Variants in VWA8 observed in about 807,000 individuals in gnomAD.
VWA8 encodes von Willebrand factor A domain-containing protein 8.
In VWA8, 221 loss-of-function variants were observed where a neutral mutation model predicts 241.5. The observed-to-expected ratio is 0.91, with a 90% CI of 0.82 to 1.02. VWA8 has a LOEUF of 1.02. Among genes scored for constraint, VWA8 ranks in the 50% least tolerant of loss-of-function variants. The probability of loss-of-function intolerance (pLI) is 0.00; values close to 1 mark genes in which losing one functional copy is unlikely to be tolerated. For synonymous variants in VWA8, 852 were observed against 827.1 expected, an observed-to-expected ratio of 1.03 and a Z score of -0.52; for missense variants, 2,322 against 2,328.7, an observed-to-expected ratio of 1.00 and a Z score of 0.06.
intron 35 of VWA8, among the ~76,000 whole-genome samples, chr13:41,684,317 C>G (rs564689479): frequency 6.6e-6 from 1 of 151,670 alleles, no homozygotes; most frequent in South Asian, 2.1e-4. Flanking sequence ...CATATAGACA[C>G]AAGATAATAT....
At chr13:41,835,359 A>C (rs1473157395) in intron 12 of VWA8, among the ~76,000 whole-genome samples, 1 of 152,302 alleles carries the variant, frequency 6.6e-6, no homozygotes, top group African/African-American at 2.4e-5. Flanking sequence ...ACTTCCCATA[A>C]ACTTAAAAGG....
At chr13:41,863,852 T>C (rs1873160061) in intron 12 of VWA8, among the ~76,000 whole-genome samples, 1 of 152,218 alleles carries the variant, frequency 6.6e-6, no homozygotes, top group Admixed American at 6.5e-5. Context: ...TCAGATACTA[T>C]GTTTAACTGC....
intron 19 of VWA8, 128 bp from the exon 20 acceptor site, chr13:41,778,184 T>G (rs1015418567): frequency 1.9e-6 from 1 of 519,026 alleles, no homozygotes; most frequent in African/African-American, 2.0e-5. Context: ...CGATTTGATA[T>G]AACCCAAAAT....
chr13:41,726,778 T>G (rs1287439935), intron 24 of VWA8, among the ~76,000 whole-genome samples: 2 of 152,078 alleles, frequency 1.3e-5, no homozygotes, highest in East Asian at 3.9e-4. Context: ...GTGGATCACA[T>G]GAGGTCAGGA....
At chr13:41,663,544 A>G (rs2044966365) in intron 37 of VWA8, among the ~76,000 whole-genome samples, 2 of 152,014 alleles carry the variant, frequency 1.3e-5, no homozygotes, top group Admixed American at 6.5e-5. Flanking sequence ...ATCTTTTACT[A>G]TTTACCTCCA....
intron 16 of VWA8, among the ~76,000 whole-genome samples, chr13:41,815,336 C>T (rs1870644544): frequency 1.3e-5 from 2 of 152,236 alleles, no homozygotes; most frequent in South Asian, 2.1e-4. Flanking sequence ...AATCCACATC[C>T]TAATCTCTGG....
intron 35 of VWA8, among the ~76,000 whole-genome samples, chr13:41,679,306 C>T (rs953584792): frequency 6.6e-6 from 1 of 152,124 alleles, no homozygotes; most frequent in African/African-American, 2.4e-5. Context: ...GGCAAAACAA[C>T]CAAGACAATT....
rs759153232 is a variant in VWA8, at chr13:41,570,645, T to A, written c.5432A>T (p.His1811Leu). The A allele has an allele frequency of 6.2e-7, 1 of 1,614,158 alleles. No individual in the cohort carries two copies. The highest frequency in any genetic ancestry group is 8.5e-7 in the Non-Finnish European group (1 of 1,180,066). The change falls in exon 44 of 45, where the codon CAT becomes CTT. Residue 1811 changes from histidine (H) to leucine (L), a missense_variant. By Grantham distance (99) the His-to-Leu change is moderately conservative (BLOSUM62 -3). Transcript: ENST00000379310. ...TTCTTTGACAATTTCCTTGATGGCA[T>A]GTTCTGTCCCTTCTAACGTGTGGTC... The part of the protein sequence containing the change: ...SGDHTLEGTE[H>L]AIKEIVKEEA...
At chr13:41,637,290 A>G (rs2139678705) in intron 37 of VWA8, among the ~76,000 whole-genome samples, 1 of 151,472 alleles carries the variant, frequency 6.6e-6, no homozygotes, top group East Asian at 1.9e-4. Context: ...GGAAACCATC[A>G]TTCTCAGCAA....
At chr13:41,959,506 A>AAAAAC (rs1185174730) in intron 1 of VWA8, among the ~76,000 whole-genome samples, 2 of 150,950 alleles carry the variant, frequency 1.3e-5, no homozygotes, top group Non-Finnish European at 2.9e-5. Context: ...AAAAAAAAAA[A>AAAAAC]AAAACAAAAA....
intron 26 of VWA8, among the ~76,000 whole-genome samples, chr13:41,710,315 T>C (rs1397838678): frequency 6.6e-6 from 1 of 152,204 alleles, no homozygotes; most frequent in Non-Finnish European, 1.5e-5. Flanking sequence ...CAGGCTTTCA[T>C]AAAACATCAC....
intron 12 of VWA8, among the ~76,000 whole-genome samples, chr13:41,849,886 C>CA (rs201079950): frequency 1.2e-3 from 154 of 130,706 alleles, no homozygotes; most frequent in East Asian, 5.0e-3. Context: ...GACTCTGTCT[C>CA]AAAAAAAAAA....
At chr13:41,880,406 C>T (rs551508832) in intron 9 of VWA8, among the ~76,000 whole-genome samples, 4 of 152,226 alleles carry the variant, frequency 2.6e-5, no homozygotes, top group South Asian at 4.1e-4. Context: ...AAAACAAGAA[C>T]TGTGGCCAGT....
chr13:41,601,275 TG>T (rs1301112832), intron 40 of VWA8, among the ~76,000 whole-genome samples: 1 of 152,166 alleles, frequency 6.6e-6, no homozygotes, highest in Admixed American at 6.5e-5. Flanking sequence ...CTGCCTTCTC[TG>T]CCCCTCAAGC....
intron 9 of VWA8, among the ~76,000 whole-genome samples, chr13:41,880,462 A>C (rs1368635658): frequency 6.6e-6 from 1 of 152,162 alleles, no homozygotes; most frequent in African/African-American, 2.4e-5. Flanking sequence ...ACTTAATATA[A>C]CACTATTATC....
At chr13:41,642,413 G>C (rs1424371108) in intron 37 of VWA8, among the ~76,000 whole-genome samples, 2 of 151,638 alleles carry the variant, frequency 1.3e-5, no homozygotes, top group Admixed American at 6.6e-5. Context: ...CAAAAAATTA[G>C]CCAGGCATGG....
chr13:41,589,984 G>A (rs2044443995), intron 41 of VWA8, among the ~76,000 whole-genome samples: 1 of 152,212 alleles, frequency 6.6e-6, no homozygotes, highest in Non-Finnish European at 1.5e-5. Flanking sequence ...ACATTTGTAT[G>A]CCTCTTCTCC....
intron 8 of VWA8, 24 bp from the exon 9 acceptor site, chr13:41,883,515 G>T: frequency 6.5e-7 from 1 of 1,538,150 alleles, no homozygotes; most frequent in South Asian, 1.1e-5. Flanking sequence ...AAAATACATA[G>T]GAATGAGCAA....
intron 9 of VWA8, among the ~76,000 whole-genome samples, chr13:41,879,721 G>A (rs1874079776): frequency 6.6e-6 from 1 of 151,544 alleles, no homozygotes; most frequent in Non-Finnish European, 1.5e-5. Context: ...ACTCTTCTAA[G>A]GTCTTCTCAT....
Sources: gnomAD v4.1 joint callset for allele counts (sites outside exome capture counted in the v4.1 genomes callset) on GRCh38, gnomAD v4.1.1 for gene constraint, MANE v1.5 for transcripts, NCBI Gene and HGNC (gene_info 2026-07-23, HGNC 2026-07-21) for gene names.